Variants in ZFHX3 observed in about 807,000 individuals in gnomAD.
The protein encoded by ZFHX3 is zinc finger homeobox protein 3.
In ZFHX3, 42 loss-of-function variants were observed where a neutral mutation model predicts 279.1. That is an observed-to-expected ratio of 0.15 (90% confidence interval 0.12 to 0.19). ZFHX3 has a LOEUF of 0.19. ZFHX3 is among the 10% of genes least tolerant of loss of function. The pLI, the probability that ZFHX3 is intolerant of heterozygous loss-of-function variation, is 1.00. For synonymous variants in ZFHX3, 2,293 were observed against 1,957.8 expected, an observed-to-expected ratio of 1.17 and a Z score of -4.52; for missense variants, 4,981 against 4,754.0, an observed-to-expected ratio of 1.05 and a Z score of -1.40.
intron 3 of ZFHX3, among the ~76,000 whole-genome samples, chr16:73,353,585 G>A (rs1037948325): frequency 6.6e-6 from 1 of 152,194 alleles, no homozygotes; most frequent in African/African-American, 2.4e-5. Context: ...TAAAGAGCAT[G>A]GCTGAGATCA....
At chr16:73,403,475 G>A (rs768111849) in intron 3 of ZFHX3, among the ~76,000 whole-genome samples, 4 of 152,204 alleles carry the variant, frequency 2.6e-5, no homozygotes, top group Non-Finnish European at 5.9e-5. Context: ...CCGGGTCTGT[G>A]TGCACGTTTG....
chr16:72,989,188 A>AG lies in ZFHX3; in HGVS notation c.-49-28995_-49-28994insC, dbSNP rs1248093176. On this transcript the variant is annotated intron_variant, in intron 1 of 9. Coordinates refer to ENST00000268489, the MANE Select transcript of ZFHX3 (RefSeq NM_006885.4). ...GACGCTGTCTCAAATTAAAAAAAAAAAAAAATTAAAACAGAGCCAGGTGCG... is the reference window on the plus strand; with the variant it reads ...GACGCTGTCTCAAATTAAAAAAAAAAGAAAAATTAAAACAGAGCCAGGTGCG... Among the ~76,000 whole-genome samples, 3 of 151,962 alleles carry AG rather than the reference A, an allele frequency of 2.0e-5. No individual in the cohort carries two copies. In the East Asian group the frequency reaches 5.8e-4, roughly 29 times the overall value.
chr16:73,675,657 C>T (rs1293452116), intron 2 of ZFHX3, among the ~76,000 whole-genome samples: 1 of 151,942 alleles, frequency 6.6e-6, no homozygotes, highest in Non-Finnish European at 1.5e-5. Flanking sequence ...TAAGCTAAAA[C>T]AGATGAAAAT....
At chr16:73,390,185 G>A (rs907313129) in intron 3 of ZFHX3, among the ~76,000 whole-genome samples, 1 of 151,898 alleles carries the variant, frequency 6.6e-6, no homozygotes, top group African/African-American at 2.4e-5. Flanking sequence ...TCCTCAGGTG[G>A]TGTGGTCTCA....
At chr16:72,880,688 A>G (rs2038441892) in intron 4 of ZFHX3, among the ~76,000 whole-genome samples, 1 of 152,216 alleles carries the variant, frequency 6.6e-6, no homozygotes, top group Non-Finnish European at 1.5e-5. Context: ...TACCAGGAAA[A>G]TCACACATTG....
chr16:72,823,553 G>A (rs1436511929), intron 5 of ZFHX3, among the ~76,000 whole-genome samples: 1 of 152,184 alleles, frequency 6.6e-6, no homozygotes. Flanking sequence ...ATTCCATCAA[G>A]AAAAGTAGCC....
chr16:73,580,587 A>T (rs2051851297), intron 2 of ZFHX3, among the ~76,000 whole-genome samples: 1 of 151,270 alleles, frequency 6.6e-6, no homozygotes, highest in African/African-American at 2.4e-5. Context: ...TATAAGAAAG[A>T]CAGGATAAAC....
chr16:73,481,326 C>T lies in ZFHX3; in HGVS notation c.-1546-25068G>A, dbSNP rs932489627. ...CCTGGGCAACAGAGTGAGACTCCAT[C>T]TCAAAAAAAAAAAAAGAACAAAGTC... is the stretch of plus-strand genomic sequence containing the variant. On this transcript the variant is annotated intron_variant, in intron 2 of 17. Transcript: ENST00000641206. 2.1e-4 allele frequency among the ~76,000 whole-genome samples: 29 copies of T among 135,388 alleles called. No individual in the cohort carries two copies. The South Asian group carries it at 3.9e-3, about 18-fold the overall frequency. 88.8% of individuals were successfully genotyped at this position (135,388 alleles called of 152,430 possible). A position where few individuals can be genotyped will look rare whatever the true frequency, so the allele number is the denominator to read the frequency against.
Position 73,682,934 on chromosome 16 carries a change from GAAAGAA to G in ZFHX3, c.-1607-2700_-1607-2695del, listed in dbSNP as rs1567550657. ...AAAGAAAGAGAGAAAGAGAAAGAAA[GAAAGAA>G]AGAAAGAAAGAAAGAAAGAAAGAAA... On this transcript the variant is annotated intron_variant, in intron 1 of 17. Transcript: ENST00000641206. Among the ~76,000 whole-genome samples, 4 of 19,574 alleles carry G rather than the reference GAAAGAA, an allele frequency of 2.0e-4. 1 individual carries two copies. The South Asian group carries it at 8.1e-3, about 39-fold the overall frequency. 12.8% of individuals were successfully genotyped at this position (19,574 alleles called of 152,430 possible).
intron 2 of ZFHX3, among the ~76,000 whole-genome samples, chr16:73,675,196 C>A (rs1380238256): frequency 6.6e-6 from 1 of 152,004 alleles, no homozygotes; most frequent in African/African-American, 2.4e-5. Context: ...TCCTGGTTCT[C>A]AAGCAAAGAC....
At chr16:73,884,112 C>T (rs191308352) in intron 1 of ZFHX3, among the ~76,000 whole-genome samples, 82 of 152,208 alleles carry the variant, frequency 5.4e-4, no homozygotes, top group African/African-American at 1.9e-3. Context: ...GTGATCAGAG[C>T]TTGCATATTT....
chr16:73,683,718 T>C (rs34742322), intron 1 of ZFHX3, among the ~76,000 whole-genome samples: 12,295 of 152,106 alleles, frequency 0.081, 521 homozygotes, highest in African/African-American at 0.098. Flanking sequence ...ATCATCTCCC[T>C]TTGCAGCAAA....
intron 2 of ZFHX3, among the ~76,000 whole-genome samples, chr16:73,492,503 C>A (rs1328156856): frequency 6.6e-6 from 1 of 152,182 alleles, no homozygotes; most frequent in Admixed American, 6.5e-5. Context: ...TGCATGGCAG[C>A]ATAGAAAAAG....
chr16:73,630,726 A>G (rs1366418707), intron 2 of ZFHX3, among the ~76,000 whole-genome samples: 1 of 152,260 alleles, frequency 6.6e-6, no homozygotes, highest in Non-Finnish European at 1.5e-5. Context: ...ATAAACTGGC[A>G]GAGAAAGAAG....
chr16:73,390,587 G>A (rs1156892954), intron 3 of ZFHX3, among the ~76,000 whole-genome samples: 1 of 152,082 alleles, frequency 6.6e-6, no homozygotes, highest in African/African-American at 2.4e-5. Context: ...GACTCATTAC[G>A]GGAAAAGCTG....
At chr16:72,855,608 T>C (rs2037735736) in intron 4 of ZFHX3, among the ~76,000 whole-genome samples, 1 of 152,048 alleles carries the variant, frequency 6.6e-6, no homozygotes, top group South Asian at 2.1e-4. Flanking sequence ...GAAAGAAAGG[T>C]TCCAAGATTC....
intron 2 of ZFHX3, among the ~76,000 whole-genome samples, chr16:73,586,762 A>G (rs2051931457): frequency 1.3e-5 from 2 of 152,170 alleles, no homozygotes; most frequent in Admixed American, 6.5e-5. Context: ...GAAAAACACA[A>G]AACTAAAATT....
chr16:73,200,252 G>A (rs1290962580), intron 5 of ZFHX3, among the ~76,000 whole-genome samples: 1 of 151,978 alleles, frequency 6.6e-6, no homozygotes, highest in Non-Finnish European at 1.5e-5. Flanking sequence ...CTCCTATCCA[G>A]ACTTCATTAT....
At chr16:73,322,665 G>C (rs1271266125) in intron 3 of ZFHX3, among the ~76,000 whole-genome samples, 1 of 152,172 alleles carries the variant, frequency 6.6e-6, no homozygotes, top group East Asian at 1.9e-4. Flanking sequence ...GAGCTATGCT[G>C]GGTGATCTAA....
Sources: allele counts gnomAD v4.1 joint callset (sites outside exome capture counted in the v4.1 genomes callset), GRCh38; gene constraint gnomAD v4.1.1; transcripts MANE v1.5; gene names NCBI Gene and HGNC (gene_info 2026-07-23, HGNC 2026-07-21).